The following UBE2O variants were observed in gnomAD, a reference collection of about 807,000 sequenced individuals.
The protein encoded by UBE2O is (E3-independent) E2 ubiquitin-conjugating enzyme.
A neutral mutation model predicts 125.8 loss-of-function variants in UBE2O; 15 were observed. The observed-to-expected ratio is 0.12, with a 90% CI of 0.08 to 0.18. The LOEUF (loss-of-function observed/expected upper bound fraction) is 0.18. Ranked by LOEUF, UBE2O falls within the 10% of genes least tolerant of loss-of-function variation. The pLI is 1.00. For synonymous variants in UBE2O, 708 were observed against 703.2 expected, an observed-to-expected ratio of 1.01 and a Z score of -0.11; for missense variants, 1,280 against 1,723.6, an observed-to-expected ratio of 0.74 and a Z score of 4.56.
chr17:76,391,042 T>C lies in UBE2O; in HGVS notation c.3780A>G (p.Pro1260=), dbSNP rs2072101317. Residue 1260 remains proline, a synonymous_variant, in exon 18 of 18, where the codon CCA becomes CCG. Transcript: ENST00000319380. This position sits in a 1 kb window ranked among gnomAD's most constrained non-coding sequence, Gnocchi z 8.4. ...TGCTCTTGATGAAACCCTTGGAAAG[T>C]GGGAAGAGGGGGAAGCCGATGTCAG... ...GYPDIGFPLF[P]LSKGFIKSIR... is the part of the protein sequence containing the mutation. The C allele has an allele frequency of 5.6e-6, 9 of 1,613,658 alleles. No homozygotes were observed. Among genetic ancestry groups the C allele is most frequent in the Non-Finnish European group, 7.6e-6 (9 of 1,179,968 alleles).
chr17:76,391,588 G>A lies in UBE2O; in HGVS notation c.3234C>T (p.Tyr1078=), dbSNP rs1310834017. 1.2e-6 allele frequency: 2 copies of A among 1,613,802 alleles called. No homozygotes were observed. The highest frequency in any genetic ancestry group is 1.3e-5 in the African/African-American group (1 of 75,054). The change falls in exon 18 of 18, where the codon TAC becomes TAT. Residue 1078 remains tyrosine (Y), a synonymous_variant. Transcript: ENST00000319380. The surrounding 1 kb of genome is among the most constrained non-coding windows in gnomAD (Gnocchi z 8.4). ...IQGLILVNEP[Y]YNEAGFDSDR... ...CACTGTCGAAGCCGGCTTCGTTGTA[G>A]TATGGTTCATTTACCAGGATCAGAC...
rs2072424349 is a variant in UBE2O, at chr17:76,406,678, CATG to C, written c.418-1109_418-1107del. 3.5e-5 allele frequency among the ~76,000 whole-genome samples: 5 copies of C among 142,904 alleles called. No homozygotes were observed. The South Asian group carries it at 1.1e-3, about 32-fold the overall frequency. 93.8% of individuals were successfully genotyped at this position (142,904 alleles called of 152,430 possible). A position where few individuals can be genotyped will look rare whatever the true frequency, so the allele number is the denominator to read the frequency against. On this transcript the variant is annotated intron_variant, in intron 1 of 17. Coordinates refer to ENST00000319380, the MANE Select transcript of UBE2O (RefSeq NM_022066.4). Reference sequence around the variant, plus strand: ...CAGTGCAGAGAGTCCCATGGGAACTCATGAGCCCAAGTTGTTTTTTTTTTTTTT... The same window carrying C: ...CAGTGCAGAGAGTCCCATGGGAACTCAGCCCAAGTTGTTTTTTTTTTTTTT...
Position 76,395,611 on chromosome 17 carries a change from T to C in UBE2O, c.2946+114A>G. The C allele has an allele frequency of 7.6e-7, 1 of 1,320,392 alleles. No homozygotes were observed. Among genetic ancestry groups the C allele is most frequent in the South Asian group, 1.4e-5 (1 of 69,532 alleles). 81.8% of individuals were successfully genotyped at this position (1,320,392 alleles called of 1,614,324 possible). ...CCCCTGTAAAAGGTGGGTGGGTGAG[T>C]GTCCTCGCAGGTGCCAGTCAGCCCC... On this transcript the variant is annotated intron_variant, in intron 15 of 17. Coordinates refer to ENST00000319380, the MANE Select transcript of UBE2O (RefSeq NM_022066.4). This position sits in a 1 kb window ranked among gnomAD's most constrained non-coding sequence, Gnocchi z 5.0.
chr17:76,398,638 C>A lies in UBE2O; in HGVS notation c.1784-54G>T. 1.9e-6 allele frequency: 3 copies of A among 1,577,226 alleles called. No homozygotes were observed. The highest frequency in any genetic ancestry group is 2.6e-6 in the Non-Finnish European group (3 of 1,149,528). On this transcript the variant is annotated intron_variant, in intron 10 of 17. Coordinates refer to ENST00000319380, the MANE Select transcript of UBE2O (RefSeq NM_022066.4). The surrounding 1 kb of genome is among the most constrained non-coding windows in gnomAD (Gnocchi z 5.4). ...AGCTAAGGGATCCCGGCTAAGGAGCCCACATCTCAAGCCAGTGCAGAGTGC... is the reference window on the plus strand; with the variant it reads ...AGCTAAGGGATCCCGGCTAAGGAGCACACATCTCAAGCCAGTGCAGAGTGC...
At position 76,390,811 on chromosome 17, in the gene UBE2O, C is replaced by G. The variant is rs1474371673; in HGVS notation, c.*132G>C. 2.2e-6 allele frequency: 2 copies of G among 903,572 alleles called. No homozygotes were observed. The highest frequency in any genetic ancestry group is 1.7e-6 in the Non-Finnish European group (1 of 605,730). The allele number at this position is 903,572 out of a possible 1,614,324, so 56.0% of individuals were successfully genotyped here. A position where few individuals can be genotyped will look rare whatever the true frequency, so the allele number is the denominator to read the frequency against. ...TTCTTGCACTTCAGCATCAAACTCA[C>G]CTTGGGGAGAAGAGGGCAGTGGGTT... On this transcript the variant is annotated 3_prime_UTR_variant, in exon 18 of 18. Transcript: ENST00000319380.
At chr17:76,409,922 A>G (rs2072488574) in intron 1 of UBE2O, among the ~76,000 whole-genome samples, 1 of 152,170 alleles carries the variant, frequency 6.6e-6, no homozygotes, top group African/African-American at 2.4e-5. Flanking sequence ...ACTAGGCCAC[A>G]TGGGGGCCAG....
Position 76,405,501 on chromosome 17 carries a change from C to G in UBE2O, c.477+12G>C. 1.9e-6 allele frequency: 3 copies of G among 1,594,808 alleles called. No individual in the cohort carries two copies. Among genetic ancestry groups the G allele is most frequent in the Non-Finnish European group, 2.6e-6 (3 of 1,173,144 alleles). On this transcript the variant is annotated intron_variant, in intron 2 of 17. Coordinates refer to ENST00000319380, the MANE Select transcript of UBE2O (RefSeq NM_022066.4). The surrounding 1 kb of genome is among the most constrained non-coding windows in gnomAD (Gnocchi z 6.1). Reference sequence around the variant, plus strand: ...CCCAGGCCCGGGGCTGGGGTGGGGACGCAGGACTCACGGTGGATCGCATGT... The same window carrying G: ...CCCAGGCCCGGGGCTGGGGTGGGGAGGCAGGACTCACGGTGGATCGCATGT...
intron 1 of UBE2O, among the ~76,000 whole-genome samples, chr17:76,409,673 C>T (rs1003904269): frequency 2.6e-5 from 4 of 152,200 alleles, no homozygotes; most frequent in Non-Finnish European, 1.5e-5. Context: ...GGATTACAGG[C>T]GTGAGCCACC....
In UBE2O at chr17:76,391,410, G is replaced by A; in HGVS notation, c.3412C>T (p.Leu1138=). The A allele has an allele frequency of 3.1e-6, 5 of 1,613,580 alleles. No individual in the cohort carries two copies. Among genetic ancestry groups the A allele is most frequent in the Non-Finnish European group, 4.2e-6 (5 of 1,180,026 alleles). The change falls in exon 18 of 18, where the codon CTG becomes TTG. Residue 1138 remains leucine, a synonymous_variant. Coordinates refer to ENST00000319380, the MANE Select transcript of UBE2O (RefSeq NM_022066.4). This position sits in a 1 kb window ranked among gnomAD's most constrained non-coding sequence, Gnocchi z 8.4. ...RQHFSTGGWR[L]VNRIESWLET... ...AGCCAGGACTCGATACGGTTCACCA[G>A]CCGCCAGCCACCAGTGCTAAAGTGT...
At position 76,398,669 on chromosome 17, in the gene UBE2O, C is replaced by G; in HGVS notation, c.1784-85G>C. The G allele has an allele frequency of 6.7e-7, 1 of 1,493,804 alleles. No homozygotes were observed. Among genetic ancestry groups the G allele is most frequent in the Non-Finnish European group, 9.2e-7 (1 of 1,083,702 alleles). The allele number at this position is 1,493,804 out of a possible 1,614,324, so 92.5% of individuals were successfully genotyped here. On this transcript the variant is annotated intron_variant, in intron 10 of 17. Transcript: ENST00000319380. The surrounding 1 kb of genome is among the most constrained non-coding windows in gnomAD (Gnocchi z 5.4). Reference sequence around the variant, plus strand: ...CTCAAGCCAGTGCAGAGTGCAGAACCCTGACCTTCCCCCGTCTTGGAAGTG... The same window carrying G: ...CTCAAGCCAGTGCAGAGTGCAGAACGCTGACCTTCCCCCGTCTTGGAAGTG...
At chr17:76,419,389 C>T (rs2072671235) in intron 1 of UBE2O, among the ~76,000 whole-genome samples, 1 of 151,002 alleles carries the variant, frequency 6.6e-6, no homozygotes, top group African/African-American at 2.4e-5. Context: ...AAGTTTACTG[C>T]TGATATGGGG....
At position 76,445,420 on chromosome 17, in the gene UBE2O, A is replaced by G. The variant is rs1285261680; in HGVS notation, c.417+7305T>C. ...CTCTCTAAAAATGCAAACCAACTCA[A>G]AATCCCCCAACCAAAGAACCAGATT... On this transcript the variant is annotated intron_variant, in intron 1 of 17. Transcript: ENST00000319380. Among the ~76,000 whole-genome samples, 3 of 152,194 alleles carry G rather than the reference A, an allele frequency of 2.0e-5. No individual in the cohort carries two copies. In the East Asian group the frequency reaches 5.8e-4, roughly 29 times the overall value.
At chr17:76,409,187 C>G (rs2072474985) in intron 1 of UBE2O, among the ~76,000 whole-genome samples, 1 of 152,110 alleles carries the variant, frequency 6.6e-6, no homozygotes, top group Admixed American at 6.5e-5. Context: ...CCACGATGCT[C>G]TCGATCTCCT....
rs2073141770 is a variant in UBE2O, at chr17:76,445,832, T to TC, written c.417+6892dup. Among the ~76,000 whole-genome samples the TC allele has an allele frequency of 4.6e-5, 7 of 152,178 alleles. No homozygotes were observed. In the South Asian group the frequency reaches 1.2e-3, roughly 27 times the overall value. ...ACACATCAAGTGGCTCCTGACAGAG[T>TC]CCCCCCGTGGCTGGCTGGAATGTCA... On this transcript the variant is annotated intron_variant, in intron 1 of 17. Coordinates refer to ENST00000319380, the MANE Select transcript of UBE2O (RefSeq NM_022066.4).
chr17:76,401,475 T>A (rs1452371447), intron 5 of UBE2O, among the ~76,000 whole-genome samples: 1 of 152,220 alleles, frequency 6.6e-6, no homozygotes, highest in Non-Finnish European at 1.5e-5. Flanking sequence ...TATCTACTTG[T>A]TTGCTGTGTG....
At chr17:76,421,900 A>C (rs904859260) in intron 1 of UBE2O, among the ~76,000 whole-genome samples, 1 of 152,184 alleles carries the variant, frequency 6.6e-6, no homozygotes, top group African/African-American at 2.4e-5. Flanking sequence ...GGAAAAGACA[A>C]GATGACGCCA....
chr17:76,416,520 G>T lies in UBE2O; in HGVS notation c.418-10948C>A, dbSNP rs1003887942. On this transcript the variant is annotated intron_variant, in intron 1 of 17. Transcript: ENST00000319380. ...CCAGGAGAAGAGGAGCCCTGGAGGGGCTGTGTCCAAGAAGTGGGGCAGGGC... is the reference window on the plus strand; with the variant it reads ...CCAGGAGAAGAGGAGCCCTGGAGGGTCTGTGTCCAAGAAGTGGGGCAGGGC... Among the ~76,000 whole-genome samples the T allele has an allele frequency of 2.6e-5, 4 of 152,280 alleles. 1 individual carries two copies. The South Asian group carries it at 8.3e-4, about 32-fold the overall frequency.
intron 1 of UBE2O, among the ~76,000 whole-genome samples, chr17:76,431,950 G>C (rs1360226342): frequency 6.6e-6 from 1 of 152,184 alleles, no homozygotes; most frequent in African/African-American, 2.4e-5. Flanking sequence ...ACTGATCCAG[G>C]CTTAGGGTGG....
chr17:76,410,380 G>A lies in UBE2O; in HGVS notation c.418-4808C>T, dbSNP rs2072495111. The stretch of plus-strand genomic sequence containing the variant: ...TTTCGGTGGTCATAAAGGGTGGTGG[G>A]GGTTCTGGTATCTAGTGGGCAGAGG... On this transcript the variant is annotated intron_variant, in intron 1 of 17. Coordinates refer to ENST00000319380, the MANE Select transcript of UBE2O (RefSeq NM_022066.4). This position sits in a 1 kb window ranked among gnomAD's most constrained non-coding sequence, Gnocchi z 4.0. Among the ~76,000 whole-genome samples, 2 of 151,936 alleles carry A rather than the reference G, an allele frequency of 1.3e-5. No individual in the cohort carries two copies. Among genetic ancestry groups the A allele is most frequent in the African/African-American group, 4.8e-5 (2 of 41,350 alleles).
Sources: allele counts gnomAD v4.1 joint callset (sites outside exome capture counted in the v4.1 genomes callset), GRCh38; gene constraint gnomAD v4.1.1; non-coding constraint Gnocchi (gnomAD v3.1); transcripts MANE v1.5; gene names NCBI Gene and HGNC (gene_info 2026-07-23, HGNC 2026-07-21).